PTPRD: variants seen among roughly 807,000 people sequenced by gnomAD.
The protein encoded by PTPRD is protein tyrosine phosphatase receptor type D.
In PTPRD, 34 loss-of-function variants were observed where a neutral mutation model predicts 214.5. The observed-to-expected ratio is 0.16, with a 90% CI of 0.12 to 0.21. The LOEUF (loss-of-function observed/expected upper bound fraction) is 0.21, where lower values mean the gene tolerates loss of function less well. Ranked by LOEUF, PTPRD falls within the 10% of genes least tolerant of loss-of-function variation. The pLI, the probability that PTPRD is intolerant of heterozygous loss-of-function variation, is 1.00. For synonymous variants in PTPRD, 1,128 were observed against 845.7 expected, an observed-to-expected ratio of 1.33 and a Z score of -5.79; for missense variants, 2,545 against 2,398.7, an observed-to-expected ratio of 1.06 and a Z score of -1.27.
intron 3 of PTPRD, among the ~76,000 whole-genome samples, chr9:10,090,949 CACACACACACATGCAT>C (rs1567624571): frequency 2.7e-5 from 4 of 148,968 alleles, no homozygotes; most frequent in African/African-American, 4.9e-5. Context: ...CACACACACA[CACACACACACATGCAT>C]GTGGTAGAGT....
At chr9:9,023,591 A>T (rs1206185591) in intron 10 of PTPRD, among the ~76,000 whole-genome samples, 1 of 152,000 alleles carries the variant, frequency 6.6e-6, no homozygotes, top group South Asian at 2.1e-4. Context: ...GGTTTGTTAC[A>T]GGGGTATATC....
chr9:9,779,514 A>T (rs977933857), intron 5 of PTPRD, among the ~76,000 whole-genome samples: 3 of 152,204 alleles, frequency 2.0e-5, no homozygotes, highest in South Asian at 2.1e-4. Flanking sequence ...ACAAGCAAAA[A>T]CCAAATAACT....
chr9:10,469,901 A>C lies in PTPRD; in HGVS notation c.-599-128884T>G, dbSNP rs1218948843. Reference sequence around the variant, plus strand: ...TTATGTTAAGTGAAATAACCCAGGCATTGAAAGACAAATTTGCATGTACTC... The same window carrying C: ...TTATGTTAAGTGAAATAACCCAGGCCTTGAAAGACAAATTTGCATGTACTC... On this transcript the variant is annotated intron_variant, in intron 2 of 45. Coordinates refer to ENST00000381196, the MANE Select transcript of PTPRD (RefSeq NM_002839.4). Among the ~76,000 whole-genome samples the C allele has an allele frequency of 2.0e-5, 3 of 152,072 alleles. No individual in the cohort carries two copies. In the East Asian group the frequency reaches 5.8e-4, roughly 30 times the overall value.
chr9:9,051,716 T>A (rs560721756), intron 10 of PTPRD, among the ~76,000 whole-genome samples: 1 of 152,328 alleles, frequency 6.6e-6, no homozygotes, highest in South Asian at 2.1e-4. Flanking sequence ...CTGTAGACCA[T>A]GTTCACACAG....
At chr9:9,838,014 C>T (rs767991271) in intron 5 of PTPRD, among the ~76,000 whole-genome samples, 11 of 152,012 alleles carry the variant, frequency 7.2e-5, no homozygotes, top group South Asian at 2.1e-4. Context: ...TGAGAACACA[C>T]GGTGTTTGGT....
chr9:9,036,779 C>G (rs1403030776), intron 10 of PTPRD, among the ~76,000 whole-genome samples: 5 of 152,090 alleles, frequency 3.3e-5, no homozygotes, highest in Admixed American at 2.6e-4. Context: ...TTTCTTACCT[C>G]TCTCCCCTGA....
In PTPRD at chr9:10,293,460, GAAAC is replaced by G. The variant is rs200434159; in HGVS notation, c.-545+47499_-545+47502del. The stretch of plus-strand genomic sequence containing the variant: ...GATATTATTTACTGTAGATTCTTCA[GAAAC>G]AAACAAACAAACAAAAAGGCTAAAA... On this transcript the variant is annotated intron_variant, in intron 3 of 45. Coordinates refer to ENST00000381196, the MANE Select transcript of PTPRD (RefSeq NM_002839.4). Among the ~76,000 whole-genome samples the G allele has an allele frequency of 4.3e-3, 647 of 151,880 alleles. 20 individuals are homozygous for G. The highest frequency in any genetic ancestry group is 0.036 in the Admixed American group (552 of 15,210).
chr9:8,460,098 A>C (rs1401290987), intron 33 of PTPRD, among the ~76,000 whole-genome samples: 1 of 152,138 alleles, frequency 6.6e-6, no homozygotes, highest in Non-Finnish European at 1.5e-5. Context: ...GCATGGAATT[A>C]TTTGCTTGTG....
At chr9:10,142,986 G>A (rs2098996947) in intron 3 of PTPRD, among the ~76,000 whole-genome samples, 1 of 151,940 alleles carries the variant, frequency 6.6e-6, no homozygotes, top group South Asian at 2.1e-4. Flanking sequence ...GGACATGGAT[G>A]AAATTGAAAT....
intron 3 of PTPRD, among the ~76,000 whole-genome samples, chr9:10,160,076 T>C (rs1221139479): frequency 2.0e-5 from 3 of 151,886 alleles, no homozygotes; most frequent in African/African-American, 7.3e-5. Flanking sequence ...GATCTAAATA[T>C]TTAATGCCAA....
chr9:10,567,899 TTAA>T (rs945029223), intron 2 of PTPRD, among the ~76,000 whole-genome samples: 2 of 151,554 alleles, frequency 1.3e-5, no homozygotes, highest in African/African-American at 4.8e-5. Context: ...TTTTTTTGTC[TTAA>T]TAATATATCA....
intron 3 of PTPRD, among the ~76,000 whole-genome samples, chr9:10,187,983 T>C (rs1593529478): frequency 6.6e-6 from 1 of 152,348 alleles, no homozygotes; most frequent in Non-Finnish European, 1.5e-5. Context: ...AATTATTTAG[T>C]TTGACATTGA....
chr9:9,573,427 A>C (rs1486629477), intron 8 of PTPRD, among the ~76,000 whole-genome samples: 4 of 151,468 alleles, frequency 2.6e-5, no homozygotes, highest in East Asian at 1.9e-4. Flanking sequence ...AAAAAAAAAA[A>C]ACTTATGTCA....
intron 3 of PTPRD, among the ~76,000 whole-genome samples, chr9:10,194,124 G>A (rs1380396497): frequency 6.6e-6 from 1 of 151,836 alleles, no homozygotes; most frequent in African/African-American, 2.4e-5. Flanking sequence ...AATAAAATCA[G>A]TCACCAATGT....
chr9:9,319,212 C>T (rs922433022), intron 9 of PTPRD, among the ~76,000 whole-genome samples: 1 of 152,146 alleles, frequency 6.6e-6, no homozygotes, highest in Non-Finnish European at 1.5e-5. Flanking sequence ...TTCTTCCTTT[C>T]TTTAATATAC....
intron 9 of PTPRD, among the ~76,000 whole-genome samples, chr9:9,213,860 C>T (rs1025297828): frequency 2.6e-5 from 4 of 152,020 alleles, no homozygotes; most frequent in Non-Finnish European, 5.9e-5. Context: ...AAAATGCAAC[C>T]GATTCTGAGG....
At chr9:10,438,878 T>C (rs2098740160) in intron 2 of PTPRD, among the ~76,000 whole-genome samples, 1 of 151,776 alleles carries the variant, frequency 6.6e-6, no homozygotes, top group East Asian at 1.9e-4. Flanking sequence ...CCATAGTTTC[T>C]GAAACTGAAG....
intron 2 of PTPRD, among the ~76,000 whole-genome samples, chr9:10,432,932 T>A (rs945165136): frequency 1.3e-5 from 2 of 151,992 alleles, no homozygotes; most frequent in East Asian, 3.9e-4. Context: ...CCCTTTTCAT[T>A]TGCTATCACA....
intron 7 of PTPRD, among the ~76,000 whole-genome samples, chr9:9,616,953 A>G (rs184781238): frequency 6.6e-5 from 10 of 152,256 alleles, no homozygotes; most frequent in Admixed American, 2.0e-4. Flanking sequence ...TTTAAAATAA[A>G]CTTGTTTTCC....
Sources: allele counts gnomAD v4.1 joint callset (sites outside exome capture counted in the v4.1 genomes callset), GRCh38; gene constraint gnomAD v4.1.1; transcripts MANE v1.5; gene names NCBI Gene and HGNC (gene_info 2026-07-23, HGNC 2026-07-21).